The following PRKN variants were observed in gnomAD, a reference collection of about 807,000 sequenced individuals.
PRKN encodes the protein E3 ubiquitin-protein ligase parkin.
In PRKN, 56 loss-of-function variants were observed where a neutral mutation model predicts 59.5. The observed-to-expected ratio is 0.94, with a 90% CI of 0.76 to 1.18. The LOEUF (loss-of-function observed/expected upper bound fraction) is 1.18. Among genes scored for constraint, PRKN ranks in the 50% most tolerant of loss-of-function variants. PRKN has a pLI of 0.00. For synonymous variants in PRKN, 250 were observed against 222.1 expected, an observed-to-expected ratio of 1.13 and a Z score of -1.12; for missense variants, 657 against 596.4, an observed-to-expected ratio of 1.10 and a Z score of -1.06.
At chr6:162,098,560 T>A (rs1175991956) in intron 4 of PRKN, among the ~76,000 whole-genome samples, 2 of 152,186 alleles carry the variant, frequency 1.3e-5, no homozygotes, top group South Asian at 2.1e-4. Context: ...TCTCTCAATA[T>A]CTTCATCAAC....
chr6:161,649,940 T>C (rs1784089515), intron 7 of PRKN, among the ~76,000 whole-genome samples: 1 of 152,132 alleles, frequency 6.6e-6, no homozygotes. Context: ...AGGACCCAAC[T>C]TGGAAGTCAG....
intron 4 of PRKN, among the ~76,000 whole-genome samples, chr6:162,145,605 A>T (rs1169968976): frequency 1.3e-5 from 2 of 152,024 alleles, no homozygotes; most frequent in Non-Finnish European, 2.9e-5. Flanking sequence ...GCAAAAGTAC[A>T]CTCCACAGTG....
At chr6:161,613,199 T>C (rs928687212) in intron 7 of PRKN, among the ~76,000 whole-genome samples, 2 of 152,126 alleles carry the variant, frequency 1.3e-5, no homozygotes, top group African/African-American at 4.8e-5. Flanking sequence ...TCATCCCTCC[T>C]GGATGACTCT....
intron 2 of PRKN, among the ~76,000 whole-genome samples, chr6:162,400,473 A>AAAAAAAAAAC (rs1787730854): frequency 6.6e-6 from 1 of 151,258 alleles, no homozygotes; most frequent in Non-Finnish European, 1.5e-5. Flanking sequence ...AAAAAAAAAA[A>AAAAAAAAAAC]AAAAAAGCTA....
chr6:161,668,060 A>T (rs781671123), intron 7 of PRKN, among the ~76,000 whole-genome samples: 1 of 152,190 alleles, frequency 6.6e-6, no homozygotes, highest in Non-Finnish European at 1.5e-5. Context: ...ATGTTTTCTT[A>T]ATTTATTCTG....
chr6:161,832,968 G>A (rs1055110031), intron 6 of PRKN, among the ~76,000 whole-genome samples: 6 of 152,072 alleles, frequency 3.9e-5, no homozygotes, highest in Non-Finnish European at 7.4e-5. Flanking sequence ...ATCCCCGGCC[G>A]ATTGAGGAGC....
At chr6:162,534,115 C>T (rs1778621815) in intron 1 of PRKN, among the ~76,000 whole-genome samples, 1 of 152,128 alleles carries the variant, frequency 6.6e-6, no homozygotes, top group Middle Eastern at 3.4e-3. Context: ...GCATGCAAAA[C>T]AAACCAAAAA....
At chr6:162,183,933 G>A (rs775699713) in intron 4 of PRKN, among the ~76,000 whole-genome samples, 2 of 152,268 alleles carry the variant, frequency 1.3e-5, no homozygotes, top group Middle Eastern at 3.4e-3. Context: ...CCCTGAACTA[G>A]TGCTATCTAA....
In PRKN at chr6:161,451,585, C is replaced by T. The variant is rs1161048744; in HGVS notation, c.1084-64708G>A. Reference sequence around the variant, plus strand: ...CCAGTCCCAAAGCTGAGGCACCACCCATCCTTGAATGGCCAGAGTAACCTG... The same window carrying T: ...CCAGTCCCAAAGCTGAGGCACCACCTATCCTTGAATGGCCAGAGTAACCTG... On this transcript the variant is annotated intron_variant, in intron 9 of 11. Coordinates refer to ENST00000366898, the MANE Select transcript of PRKN (RefSeq NM_004562.3). This position sits in a 1 kb window ranked among gnomAD's most constrained non-coding sequence, Gnocchi z 5.9. Among the ~76,000 whole-genome samples, 2 of 152,232 alleles carry T rather than the reference C, an allele frequency of 1.3e-5. No individual in the cohort carries two copies. Among genetic ancestry groups the T allele is most frequent in the Non-Finnish European group, 2.9e-5 (2 of 68,042 alleles).
chr6:162,306,804 C>A (rs985870786), intron 2 of PRKN, among the ~76,000 whole-genome samples: 1 of 152,130 alleles, frequency 6.6e-6, no homozygotes, highest in African/African-American at 2.4e-5. Context: ...GCCAACGAGG[C>A]AGAGCTAAGA....
At chr6:161,490,125 C>A (rs537747415) in intron 9 of PRKN, among the ~76,000 whole-genome samples, 1 of 152,184 alleles carries the variant, frequency 6.6e-6, no homozygotes, top group African/African-American at 2.4e-5. Context: ...TTTTCCTCCT[C>A]TAGTCAAGTT....
chr6:162,383,574 T>C (rs1038142325), intron 2 of PRKN, among the ~76,000 whole-genome samples: 10 of 152,128 alleles, frequency 6.6e-5, no homozygotes, highest in Non-Finnish European at 1.0e-4. Context: ...TCAGAGTAGA[T>C]TCAGCATAAT....
chr6:162,456,504 T>C lies in PRKN; in HGVS notation c.8-13031A>G, dbSNP rs570908780. Among the ~76,000 whole-genome samples, 84 of 150,550 alleles carry C rather than the reference T, an allele frequency of 5.6e-4. 3 individuals are homozygous for C. The South Asian group carries it at 0.018, about 32-fold the overall frequency. Reference sequence around the variant, plus strand: ...TTAAAAATATATCATAAACTTTAATTCTTATACATGTTTTTGTTGCAAAGA... The same window carrying C: ...TTAAAAATATATCATAAACTTTAATCCTTATACATGTTTTTGTTGCAAAGA... On this transcript the variant is annotated intron_variant, in intron 1 of 11. Transcript: ENST00000366898.
chr6:161,499,091 C>T lies in PRKN; in HGVS notation c.1083+49763G>A, dbSNP rs990434865. Among the ~76,000 whole-genome samples, 3 of 150,554 alleles carry T rather than the reference C, an allele frequency of 2.0e-5. No individual in the cohort carries two copies. Among genetic ancestry groups the T allele is most frequent in the African/African-American group, 7.3e-5 (3 of 40,920 alleles). ...CTAGGGTTTCGTTCAAAGGTCACAA[C>T]TGGTGGCTTGTGAGCAGGGTCTGGA... On this transcript the variant is annotated intron_variant, in intron 9 of 11. Coordinates refer to ENST00000366898, the MANE Select transcript of PRKN (RefSeq NM_004562.3). The surrounding 1 kb of genome is among the most constrained non-coding windows in gnomAD (Gnocchi z 4.2).
chr6:161,925,190 T>C (rs1005419682), intron 6 of PRKN, among the ~76,000 whole-genome samples: 2 of 152,204 alleles, frequency 1.3e-5, no homozygotes, highest in Non-Finnish European at 2.9e-5. Flanking sequence ...AATCCAAATA[T>C]AAAACAATTT....
chr6:162,529,504 AC>A (rs1321584062), intron 1 of PRKN, among the ~76,000 whole-genome samples: 1 of 152,188 alleles, frequency 6.6e-6, no homozygotes, highest in African/African-American at 2.4e-5. Flanking sequence ...GATGGCCCAA[AC>A]ACCTCTGTGT....
rs1562507615 is a variant in PRKN at position 161,530,706 on chromosome 6, C to T, written c.1083+18148G>A. 1.3e-5 allele frequency among the ~76,000 whole-genome samples: 2 copies of T among 151,598 alleles called. No homozygotes were observed. The highest frequency in any genetic ancestry group is 1.3e-4 in the Admixed American group (2 of 15,202). On this transcript the variant is annotated intron_variant, in intron 9 of 11. Coordinates refer to ENST00000366898, the MANE Select transcript of PRKN (RefSeq NM_004562.3). This position sits in a 1 kb window ranked among gnomAD's most constrained non-coding sequence, Gnocchi z 5.0. ...AATTTTTTTCTATTTTTAGTGGAGA[C>T]GGGGTTTCTCTATGTTGGTCAGGCC...
intron 1 of PRKN, among the ~76,000 whole-genome samples, chr6:162,461,434 G>C (rs1000623988): frequency 7.0e-6 from 1 of 141,856 alleles, no homozygotes; most frequent in African/African-American, 2.6e-5. Flanking sequence ...CCTGGGAGGT[G>C]GAGGCTGCAG....
chr6:162,073,554 C>G (rs1465448607), intron 4 of PRKN, among the ~76,000 whole-genome samples: 1 of 152,130 alleles, frequency 6.6e-6, no homozygotes, highest in Non-Finnish European at 1.5e-5. Context: ...TGGGCTCAAG[C>G]GATCCTCCCA....
Sources: gnomAD v4.1 joint callset for allele counts (sites outside exome capture counted in the v4.1 genomes callset) on GRCh38, gnomAD v4.1.1 for gene constraint, Gnocchi (gnomAD v3.1) non-coding constraint, MANE v1.5 for transcripts, NCBI Gene and HGNC (gene_info 2026-07-23, HGNC 2026-07-21) for gene names.